Variants in MROH7 observed in about 807,000 individuals in gnomAD.
The protein encoded by MROH7 is maestro heat-like repeat-containing protein family member 7.
In MROH7, 113 loss-of-function variants were observed where a neutral mutation model predicts 129.2. The observed-to-expected ratio is 0.87, with a 90% CI of 0.75 to 1.02. The LOEUF is 1.02. Among genes scored for constraint, MROH7 ranks in the 50% least tolerant of loss-of-function variants. MROH7 has a pLI of 0.00. For missense variants in MROH7, 1,601 were observed against 1,671.3 expected (o/e 0.96, Z 0.73); for synonymous variants, 655 against 667.9 (o/e 0.98, Z 0.30).
intron 1 of MROH7, among the ~76,000 whole-genome samples, chr1:54,646,623 C>A (rs2101052961): frequency 6.6e-6 from 1 of 152,128 alleles, no homozygotes; most frequent in South Asian, 2.1e-4. Context: ...AATTGACAAC[C>A]TTGTCTATCA....
chr1:54,646,762 C>G (rs908298224), intron 1 of MROH7, among the ~76,000 whole-genome samples: 4 of 152,146 alleles, frequency 2.6e-5, no homozygotes, highest in African/African-American at 9.7e-5. Context: ...AAAGGAAACC[C>G]TATACCCATT....
chr1:54,708,480 T>G (rs1645571918), intron 22 of MROH7, among the ~76,000 whole-genome samples: 1 of 151,958 alleles, frequency 6.6e-6, no homozygotes, highest in South Asian at 2.1e-4. Context: ...TACAGCCCAT[T>G]TAAGGACCTG....
chr1:54,671,894 C>A (rs914824000), intron 7 of MROH7, among the ~76,000 whole-genome samples: 1 of 151,826 alleles, frequency 6.6e-6, no homozygotes, highest in African/African-American at 2.4e-5. Context: ...GCCAGAAGTA[C>A]TTGGTGCTAT....
chr1:54,653,381 C>T lies in MROH7; in HGVS notation c.455C>T (p.Ala152Val), dbSNP rs778567344. 2 of 1,614,200 alleles carry T rather than the reference C, an allele frequency of 1.2e-6. No individual in the cohort carries two copies. The highest frequency in any genetic ancestry group is 1.7e-6 in the Non-Finnish European group (2 of 1,180,032). The change falls in exon 3 of 24, where the codon GCC becomes GTC. Residue 152 changes from alanine (A) to valine (V), a missense_variant. Physicochemically the swap from Ala to Val is moderately conservative, Grantham distance 64. Transcript: ENST00000421030. ...CACCCTCAGTCAAATTCTGAAGATGCCTTCAAGTGCCTCTCAAGTAAGATT... is the reference window on the plus strand; with the variant it reads ...CACCCTCAGTCAAATTCTGAAGATGTCTTCAAGTGCCTCTCAAGTAAGATT... ...GNHPQSNSED[A>V]FKCLSSKIFK...
At chr1:54,680,944 C>G (rs929316229) in intron 13 of MROH7, among the ~76,000 whole-genome samples, 4 of 152,080 alleles carry the variant, frequency 2.6e-5, no homozygotes, top group African/African-American at 9.7e-5. Flanking sequence ...TACTCCCCAC[C>G]AGGGTTTTTT....
chr1:54,699,159 T>TTTCTTTCTTTTCTTTCTTTCTTTC (rs71048705), intron 17 of MROH7: 53 of 65,898 alleles, frequency 8.0e-4, no homozygotes, highest in African/African-American at 1.1e-3. Context: ...TCTTTCTTTC[T>TTTCTTTCTTTTCTTTCTTTCTTTC]TTTCTTTCTT....
In MROH7 at chr1:54,700,438, A is replaced by G. The variant is rs1645416801; in HGVS notation, c.3082A>G (p.Ile1028Val). ...MKVLSIRGLV[I>V]LARRSEKTAK... ...GGTGCTGTCCATTCGAGGCCTGGTC[A>G]TCCTGGCCCGCAGGTCTGAGAAGGT... Residue 1028 changes from isoleucine to valine, a missense_variant, in exon 18 of 24, where the codon ATC becomes GTC. Ile to Val is a conservative substitution (Grantham distance 29, BLOSUM62 3). Transcript: ENST00000421030. 2 of 1,605,354 alleles carry G rather than the reference A, an allele frequency of 1.2e-6. No homozygotes were observed. The highest frequency in any genetic ancestry group is 4.5e-5 in the East Asian group (2 of 44,792).
chr1:54,664,818 C>G (rs1462567449), intron 3 of MROH7, among the ~76,000 whole-genome samples: 2 of 152,134 alleles, frequency 1.3e-5, no homozygotes, highest in Non-Finnish European at 2.9e-5. Context: ...TCGAGACTAG[C>G]CTGGCCAACA....
At chr1:54,657,011 ACT>A (rs1203723111) in intron 3 of MROH7, among the ~76,000 whole-genome samples, 1 of 150,528 alleles carries the variant, frequency 6.6e-6, no homozygotes, top group Admixed American at 6.6e-5. Flanking sequence ...ACATAGCAAG[ACT>A]CTGTCTATAT....
intron 3 of MROH7, among the ~76,000 whole-genome samples, chr1:54,657,488 T>G (rs918698553): frequency 5.9e-5 from 9 of 152,044 alleles, no homozygotes; most frequent in Non-Finnish European, 1.3e-4. Flanking sequence ...CAGTGATTCT[T>G]TCACCTCAGC....
At chr1:54,660,789 T>G (rs551585206) in intron 3 of MROH7, among the ~76,000 whole-genome samples, 3 of 151,586 alleles carry the variant, frequency 2.0e-5, no homozygotes, top group East Asian at 3.9e-4. Context: ...CACTCCAGCC[T>G]GGGCAACAAG....
chr1:54,686,398 T>C lies in MROH7; in HGVS notation c.2661T>C (p.Pro887=). 2 of 1,614,072 alleles carry C rather than the reference T, an allele frequency of 1.2e-6. No homozygotes were observed. Among genetic ancestry groups the C allele is most frequent in the African/African-American group, 2.7e-5 (2 of 75,020 alleles). ...IGLNLPGCVA[P]PKDTKKGAQP... Reference sequence around the variant, plus strand: ...TCAACCTGCCTGGCTGCGTGGCTCCTCCCAAGGACACCAAGAAGGGTGCAC... The same window carrying C: ...TCAACCTGCCTGGCTGCGTGGCTCCCCCCAAGGACACCAAGAAGGGTGCAC... Residue 887 remains proline, a synonymous_variant, in exon 15 of 24, where the codon CCT becomes CCC. Coordinates refer to ENST00000421030, the MANE Select transcript of MROH7 (RefSeq NM_001039464.4).
chr1:54,646,747 G>T (rs1439329484), intron 1 of MROH7, among the ~76,000 whole-genome samples: 2 of 151,970 alleles, frequency 1.3e-5, no homozygotes, highest in Non-Finnish European at 2.9e-5. Flanking sequence ...TATTTTTCTG[G>T]TCCAAAAGGA....
In MROH7 at chr1:54,673,785, C is replaced by A. The variant is rs896630937; in HGVS notation, c.1780C>A (p.Leu594Ile). The A allele has an allele frequency of 2.5e-6, 4 of 1,613,806 alleles. No individual in the cohort carries two copies. The African/African-American group carries it at 5.3e-5, about 22-fold the overall frequency. ...CAATGTCTCTGTGTTGAACCACATGCTTCTAACTCTGCCTTTCTTTGTGAG... is the reference window on the plus strand; with the variant it reads ...CAATGTCTCTGTGTTGAACCACATGATTCTAACTCTGCCTTTCTTTGTGAG... ...NTNVSVLNHM[L>I]LTLPFFMPLG... Residue 594 changes from leucine to isoleucine, a missense_variant, in exon 9 of 24, where the codon CTT becomes ATT. Leu to Ile is a conservative substitution (Grantham distance 5). Transcript: ENST00000421030.
rs35538151 is a variant in MROH7, at chr1:54,657,686, C to CT, written c.1231+3542dup. On this transcript the variant is annotated intron_variant, in intron 3 of 23. Coordinates refer to ENST00000421030, the MANE Select transcript of MROH7 (RefSeq NM_001039464.4). The stretch of plus-strand genomic sequence containing the variant: ...CCACTACACCTGGCCCTATCTTAAC[C>CT]TTTTTTTTTTTTTGAGATGGAGTCT... Among the ~76,000 whole-genome samples, 1,222 of 145,520 alleles carry CT rather than the reference C, an allele frequency of 8.4e-3. 15 individuals are homozygous for CT. Among genetic ancestry groups the CT allele is most frequent in the African/African-American group, 0.024 (946 of 39,924 alleles).
At chr1:54,704,236 G>T (rs1295509295) in intron 21 of MROH7, among the ~76,000 whole-genome samples, 4 of 152,094 alleles carry the variant, frequency 2.6e-5, no homozygotes, top group African/African-American at 9.7e-5. Context: ...GAAGTGCTTG[G>T]CCAGGGTCAC....
At chr1:54,668,044 G>C (rs1644839656) in intron 4 of MROH7, among the ~76,000 whole-genome samples, 2 of 152,184 alleles carry the variant, frequency 1.3e-5, no homozygotes, top group South Asian at 4.1e-4. Context: ...AGTGGGACTG[G>C]AATATTCAAG....
At chr1:54,697,445 C>T (rs912829193) in intron 17 of MROH7, 1 of 468,906 alleles carries the variant, frequency 2.1e-6, no homozygotes, top group Admixed American at 3.5e-5. Context: ...TGCAGGTCAC[C>T]AGCAGAATGT....
intron 15 of MROH7, among the ~76,000 whole-genome samples, chr1:54,690,453 C>CT (rs767848151): frequency 0.029 from 4,211 of 143,694 alleles, 144 homozygotes; most frequent in African/African-American, 0.076. Flanking sequence ...TTTTTTTTTC[C>CT]TTTTTTTTTT....
Sources: allele counts gnomAD v4.1 joint callset (sites outside exome capture counted in the v4.1 genomes callset), GRCh38; gene constraint gnomAD v4.1.1; transcripts MANE v1.5; gene names NCBI Gene and HGNC (gene_info 2026-07-23, HGNC 2026-07-21).